The following METTL16 variants were observed in gnomAD, a reference collection of about 807,000 sequenced individuals.
METTL16 encodes the protein RNA N(6)-adenosine-methyltransferase METTL16.
In METTL16, 19 loss-of-function variants were observed where a neutral mutation model predicts 57.9. That is an observed-to-expected ratio of 0.33 (90% CI 0.23 to 0.48). The LOEUF is 0.48. Among genes scored for constraint, METTL16 ranks in the 20% least tolerant of loss-of-function variants. METTL16 has a pLI of 0.99. For missense variants in METTL16, 434 were observed against 691.5 expected (o/e 0.63, Z 4.18); for synonymous variants, 246 against 255.6 (o/e 0.96, Z 0.36).
chr17:2,505,985 T>C (rs2067529988), intron 1 of METTL16, among the ~76,000 whole-genome samples: 1 of 151,988 alleles, frequency 6.6e-6, no homozygotes. Flanking sequence ...TCTTTTTTTT[T>C]TGAGACAGAG....
At chr17:2,471,118 C>G (rs909616629) in intron 4 of METTL16, among the ~76,000 whole-genome samples, 2 of 152,170 alleles carry the variant, frequency 1.3e-5, no homozygotes, top group African/African-American at 4.8e-5. Flanking sequence ...GACCTTATAT[C>G]CCTCACAAAA....
chr17:2,464,407 G>C (rs2067175101), intron 5 of METTL16, 57 bp from the exon 6 acceptor site: 1 of 1,482,714 alleles, frequency 6.7e-7, no homozygotes, highest in Non-Finnish European at 9.0e-7. Context: ...AACCAAGTTT[G>C]AATGTAATCT....
chr17:2,429,324 G>A (rs915985599), intron 8 of METTL16, among the ~76,000 whole-genome samples: 2 of 150,848 alleles, frequency 1.3e-5, no homozygotes, highest in Non-Finnish European at 2.9e-5. Flanking sequence ...AAGTAGATGG[G>A]ACTACAGGCG....
intron 6 of METTL16, among the ~76,000 whole-genome samples, chr17:2,456,692 C>CT (rs1441441078): frequency 6.6e-6 from 1 of 152,132 alleles, no homozygotes; most frequent in Admixed American, 6.6e-5. Flanking sequence ...TGGTCTTGAA[C>CT]TCCTGGCCTG....
At position 2,511,862 on chromosome 17, in the gene METTL16, T is replaced by A; in HGVS notation, c.-104A>T. 1 of 398,666 alleles carries A rather than the reference T, an allele frequency of 2.5e-6. No individual in the cohort carries two copies. Among genetic ancestry groups the A allele is most frequent in the Non-Finnish European group, 4.4e-6 (1 of 226,128 alleles). The allele number at this position is 398,666 out of a possible 1,614,324, so 24.7% of individuals were successfully genotyped here. On this transcript the variant is annotated 5_prime_UTR_variant, in exon 1 of 10. Transcript: ENST00000263092. Reference sequence around the variant, plus strand: ...GCGAAGCTCCTAGAAACGCAGATGATACGCTCCCAGCGCGCCGCCATCTTG... The same window carrying A: ...GCGAAGCTCCTAGAAACGCAGATGAAACGCTCCCAGCGCGCCGCCATCTTG...
chr17:2,421,110 T>C (rs536912046), intron 8 of METTL16, among the ~76,000 whole-genome samples: 101 of 152,272 alleles, frequency 6.6e-4, no homozygotes, highest in African/African-American at 2.4e-3. Context: ...TCCCAGCACT[T>C]TGGGGGGCCA....
In METTL16 at chr17:2,502,995, T is replaced by C. The variant is rs561948652; in HGVS notation, c.1-664A>G. Among the ~76,000 whole-genome samples the C allele has an allele frequency of 1.5e-4, 23 of 152,298 alleles. 1 individual carries two copies. Among genetic ancestry groups the C allele is most frequent in the East Asian group, 7.7e-4 (4 of 5,186 alleles). ...AAATTGGAGTTCTCATGCATTGCTG[T>C]TGGGAATGTGAAATGGCACAGCTGC... On this transcript the variant is annotated intron_variant, in intron 1 of 9. Transcript: ENST00000263092.
chr17:2,458,571 G>C (rs1401512248), intron 6 of METTL16, among the ~76,000 whole-genome samples: 2 of 152,066 alleles, frequency 1.3e-5, no homozygotes, highest in African/African-American at 4.8e-5. Flanking sequence ...AATCAGCTGA[G>C]TGTGGGGGTA....
chr17:2,422,591 C>T (rs925935434), intron 8 of METTL16, among the ~76,000 whole-genome samples: 24 of 148,240 alleles, frequency 1.6e-4, no homozygotes, highest in African/African-American at 5.2e-4. Context: ...AGGATGGTCT[C>T]GATCTCTTGA....
chr17:2,467,677 T>C (rs564812243), intron 5 of METTL16, 84 bp downstream of exon 5: 99 of 960,026 alleles, frequency 1.0e-4, no homozygotes, highest in Admixed American at 9.5e-4. Flanking sequence ...TCACCCGCCT[T>C]GGCCTCCCAA....
intron 2 of METTL16, among the ~76,000 whole-genome samples, chr17:2,483,945 CGAGAATGGTAG>C (rs2067324564): frequency 6.6e-6 from 1 of 152,128 alleles, no homozygotes; most frequent in African/African-American, 2.4e-5. Flanking sequence ...GTCTTTAACT[CGAGAATGGTAG>C]CCTGACCTAT....
At chr17:2,438,437 A>G (rs1437478276) in intron 7 of METTL16, among the ~76,000 whole-genome samples, 1 of 152,216 alleles carries the variant, frequency 6.6e-6, no homozygotes, top group African/African-American at 2.4e-5. Context: ...TGAAGGTTCA[A>G]ATATATGAAA....
intron 2 of METTL16, among the ~76,000 whole-genome samples, chr17:2,500,819 TAA>T (rs1428451309): frequency 6.6e-6 from 1 of 152,078 alleles, no homozygotes; most frequent in Admixed American, 6.6e-5. Flanking sequence ...ATTATTTTCT[TAA>T]TTTAAAAAAA....
chr17:2,489,115 T>TA (rs1555620654), intron 2 of METTL16, among the ~76,000 whole-genome samples: 19,375 of 151,410 alleles, frequency 0.13, 1,357 homozygotes, highest in South Asian at 0.21. Context: ...TTCATTCTTT[T>TA]TTTTTTATTT....
chr17:2,492,822 C>T (rs1272820554), intron 2 of METTL16, among the ~76,000 whole-genome samples: 2 of 144,908 alleles, frequency 1.4e-5, no homozygotes, highest in African/African-American at 5.1e-5. Context: ...GCTTGAACCC[C>T]AGGAGGCAGA....
intron 1 of METTL16, among the ~76,000 whole-genome samples, chr17:2,503,035 T>C (rs547705726): frequency 2.0e-5 from 3 of 152,336 alleles, no homozygotes; most frequent in Non-Finnish European, 2.9e-5. Context: ...GAAAAACGCT[T>C]GGCGGTTCTT....
At chr17:2,442,164 A>T (rs375805451) in intron 6 of METTL16, among the ~76,000 whole-genome samples, 186 of 152,352 alleles carry the variant, frequency 1.2e-3, no homozygotes, top group African/African-American at 4.3e-3. Flanking sequence ...CCTTTGCTTC[A>T]GCCCATGAAA....
chr17:2,441,876 A>G lies in METTL16; in HGVS notation c.729-317T>C, dbSNP rs186400220. On this transcript the variant is annotated intron_variant, in intron 6 of 9. Transcript: ENST00000263092. ...GTCATGCTTACAACGAAGGCCGTTT[A>G]TCTCTAGGACAGAAATTAGAAAATA... 5.8e-3 allele frequency among the ~76,000 whole-genome samples: 876 copies of G among 152,346 alleles called. 5 individuals are homozygous for G. The highest frequency in any genetic ancestry group is 9.4e-3 in the Non-Finnish European group (641 of 68,028).
At chr17:2,467,700 A>G (rs766571158) in intron 5 of METTL16, 61 bp downstream of exon 5, 1 of 1,295,948 alleles carries the variant, frequency 7.7e-7, no homozygotes, top group Admixed American at 1.7e-5. Flanking sequence ...TGCAGGGATT[A>G]CAGGCGTGAG....
Sources: allele counts gnomAD v4.1 joint callset (sites outside exome capture counted in the v4.1 genomes callset), GRCh38; gene constraint gnomAD v4.1.1; transcripts MANE v1.5; gene names NCBI Gene and HGNC (gene_info 2026-07-23, HGNC 2026-07-21).